MYO16: variants seen among roughly 807,000 people sequenced by gnomAD.
MYO16 encodes unconventional myosin-XVI.
A neutral mutation model predicts 205.3 loss-of-function variants in MYO16; 94 were observed. That is an observed-to-expected ratio of 0.46 (90% CI 0.39 to 0.54). The LOEUF (loss-of-function observed/expected upper bound fraction) is 0.54, where lower values mean the gene tolerates loss of function less well. Among genes scored for constraint, MYO16 ranks in the 20% least tolerant of loss-of-function variants. The probability of loss-of-function intolerance (pLI) is 0.00; values close to 1 mark genes in which losing one functional copy is unlikely to be tolerated. For synonymous variants in MYO16, 988 were observed against 954.0 expected (o/e 1.04, Z -0.66); for missense variants, 2,315 against 2,387.5 (o/e 0.97, Z 0.63).
At chr13:108,925,764 C>G (rs1346476318) in intron 16 of MYO16, among the ~76,000 whole-genome samples, 1 of 152,220 alleles carries the variant, frequency 6.6e-6, no homozygotes, top group East Asian at 1.9e-4. Flanking sequence ...CTCCCATCAT[C>G]TCCCACCTGA....
At chr13:108,759,362 G>A (rs565070100) in intron 4 of MYO16, among the ~76,000 whole-genome samples, 1 of 152,206 alleles carries the variant, frequency 6.6e-6, no homozygotes, top group South Asian at 2.1e-4. Context: ...TACTATTCCT[G>A]TACTTTTGGT....
At chr13:109,174,866 C>T (rs1051715017) in intron 33 of MYO16, among the ~76,000 whole-genome samples, 2 of 151,168 alleles carry the variant, frequency 1.3e-5, no homozygotes, top group Non-Finnish European at 1.5e-5. Context: ...ATTCTTCAGC[C>T]TCAGCCTCCC....
intron 12 of MYO16, among the ~76,000 whole-genome samples, chr13:108,880,778 G>C (rs1197974040): frequency 1.3e-5 from 2 of 152,210 alleles, no homozygotes; most frequent in African/African-American, 2.4e-5. Context: ...TTGTAGTATA[G>C]TTTGAAGTCA....
At chr13:108,693,812 A>G (rs1222077978) in intron 2 of MYO16, among the ~76,000 whole-genome samples, 1 of 152,224 alleles carries the variant, frequency 6.6e-6, no homozygotes, top group Non-Finnish European at 1.5e-5. Flanking sequence ...CCATCCAGGT[A>G]TAAAGCCTAG....
At chr13:108,855,611 A>G in intron 11 of MYO16, 58 bp downstream of exon 11, 1 of 1,173,454 alleles carries the variant, frequency 8.5e-7, no homozygotes, top group Admixed American at 2.0e-5. Context: ...TATTTTTATC[A>G]CCCTTCAGTG....
At chr13:108,564,292 T>A in the MYO16 span, among the ~76,000 whole-genome samples, 1 of 150,894 alleles carries the variant, frequency 6.6e-6, no homozygotes, top group Non-Finnish European at 1.5e-5. Flanking sequence ...TGCTTCAGCA[T>A]CCCAAGTAGC....
intron 10 of MYO16, among the ~76,000 whole-genome samples, chr13:108,849,756 C>T (rs1263245363): frequency 1.4e-5 from 2 of 141,976 alleles, no homozygotes; most frequent in Non-Finnish European, 3.0e-5. Context: ...CTCATCCATA[C>T]TGGGTTATTT....
intron 4 of MYO16, among the ~76,000 whole-genome samples, chr13:108,733,161 C>G (rs1278270545): frequency 1.3e-5 from 2 of 152,136 alleles, no homozygotes; most frequent in African/African-American, 2.4e-5. Context: ...GAGGGGGCAT[C>G]GTCTACCTAA....
At chr13:108,695,007 G>A (rs533490405) in intron 2 of MYO16, among the ~76,000 whole-genome samples, 25 of 152,310 alleles carry the variant, frequency 1.6e-4, no homozygotes, top group African/African-American at 5.1e-4. Flanking sequence ...AGCTACTCAG[G>A]AGGCTGAGGC....
chr13:109,023,671 A>ATATATGTC lies in MYO16; in HGVS notation c.2796+3767_2796+3768insCTATATGT, dbSNP rs1396465283. ...TATATGTATATATGTATATATGCAA[A>ATATATGTC]TATATGTATATATACATATATATGT... On this transcript the variant is annotated intron_variant, in intron 23 of 34. Coordinates refer to ENST00000457511, the MANE Select transcript of MYO16 (RefSeq NM_001198950.3). 3.4e-3 allele frequency among the ~76,000 whole-genome samples: 424 copies of ATATATGTC among 126,126 alleles called. 4 individuals carry two copies. The highest frequency in any genetic ancestry group is 0.012 in the African/African-American group (403 of 32,490). The allele number at this position is 126,126 out of a possible 152,430, so 82.7% of individuals were successfully genotyped here. A position where few individuals can be genotyped will look rare whatever the true frequency, so the allele number is the denominator to read the frequency against.
the MYO16 span, among the ~76,000 whole-genome samples, chr13:108,532,693 G>C: frequency 6.6e-6 from 1 of 151,758 alleles, no homozygotes; most frequent in Admixed American, 6.6e-5. Context: ...TAGGAGGCTG[G>C]GGCAGGAGCA....
chr13:108,785,575 C>T (rs9559411), intron 4 of MYO16, 60 bp from the exon 5 acceptor site: 48,451 of 1,006,602 alleles, frequency 0.048, 5,501 homozygotes, highest in East Asian at 0.41. Context: ...AAGTACAACT[C>T]CTAATCTGCT....
At chr13:109,085,522 G>C (rs1335250242) in intron 27 of MYO16, among the ~76,000 whole-genome samples, 1 of 152,158 alleles carries the variant, frequency 6.6e-6, no homozygotes, top group Non-Finnish European at 1.5e-5. Context: ...AACTTGTCTT[G>C]AGGTCTCCTT....
chr13:108,961,209 C>T (rs575513039), intron 17 of MYO16, among the ~76,000 whole-genome samples: 1 of 152,166 alleles, frequency 6.6e-6, no homozygotes, highest in African/African-American at 2.4e-5. Context: ...GAAGCCCAGC[C>T]AGTCAAACCC....
upstream of MYO16, chr13:108,629,485 AG>A (rs577125052): frequency 1.6e-4 from 33 of 208,480 alleles, 1 homozygote; most frequent in South Asian, 3.5e-3. Flanking sequence ...GGACCGGGAG[AG>A]CCGCACTGCA....
the MYO16 span, among the ~76,000 whole-genome samples, chr13:108,519,456 C>G: frequency 6.6e-6 from 1 of 151,890 alleles, no homozygotes; most frequent in Non-Finnish European, 1.5e-5. Flanking sequence ...TTTCTGCCTT[C>G]TAATCTGCGG....
chr13:108,987,020 A>G lies in MYO16; in HGVS notation c.2370-5356A>G, dbSNP rs550969894. On this transcript the variant is annotated intron_variant, in intron 20 of 34. Transcript: ENST00000457511. ...AGGAGAGGCATTTTTAAATGCTCCT[A>G]ACAGTGCTTTGTGCACGGGACTCCA... Among the ~76,000 whole-genome samples, 8 of 152,336 alleles carry G rather than the reference A, an allele frequency of 5.3e-5. No homozygotes were observed. In the East Asian group the frequency reaches 1.5e-3, roughly 29 times the overall value.
chr13:108,685,132 C>T (rs191764471), intron 2 of MYO16, among the ~76,000 whole-genome samples: 1 of 151,706 alleles, frequency 6.6e-6, no homozygotes, highest in East Asian at 2.0e-4. Context: ...AAGCCATTCT[C>T]CTGCCTCAGC....
chr13:108,650,942 C>T (rs988204857), intron 1 of MYO16, among the ~76,000 whole-genome samples: 2 of 152,162 alleles, frequency 1.3e-5, no homozygotes, highest in African/African-American at 2.4e-5. Flanking sequence ...TCAGTAGCTA[C>T]GATGGGATGT....
Sources: gnomAD v4.1 joint callset for allele counts (sites outside exome capture counted in the v4.1 genomes callset) on GRCh38, gnomAD v4.1.1 for gene constraint, MANE v1.5 for transcripts, NCBI Gene and HGNC (gene_info 2026-07-23, HGNC 2026-07-21) for gene names.